Variants in PLXDC2 observed in about 807,000 individuals in gnomAD.
PLXDC2 encodes the protein plexin domain containing 2.
A neutral mutation model predicts 68.9 loss-of-function variants in PLXDC2; 40 were observed. The observed-to-expected ratio is 0.58, with a 90% CI of 0.45 to 0.76. The LOEUF is 0.76. Ranked by LOEUF, PLXDC2 falls within the 30% of genes least tolerant of loss-of-function variation. The pLI, the probability that PLXDC2 is intolerant of heterozygous loss-of-function variation, is 0.00. For synonymous variants in PLXDC2, 243 were observed against 234.2 expected (o/e 1.04, Z -0.34); for missense variants, 644 against 661.9 (o/e 0.97, Z 0.30).
chr10:20,012,008 G>T (rs1422798395), intron 2 of PLXDC2, among the ~76,000 whole-genome samples: 1 of 152,084 alleles, frequency 6.6e-6, no homozygotes, highest in African/African-American at 2.4e-5. Context: ...TTGTATGGTG[G>T]CAACCAGAAT....
intron 1 of PLXDC2, among the ~76,000 whole-genome samples, chr10:19,855,751 G>C (rs11596700): frequency 6.6e-6 from 1 of 151,854 alleles, no homozygotes; most frequent in East Asian, 1.9e-4. Context: ...TAATATAATG[G>C]GCATAGTTTA....
At chr10:20,188,981 A>G (rs998620349) in intron 9 of PLXDC2, among the ~76,000 whole-genome samples, 1 of 150,416 alleles carries the variant, frequency 6.6e-6, no homozygotes, top group Non-Finnish European at 1.5e-5. Context: ...CTTTGAATTT[A>G]TTTTAGTACA....
intron 1 of PLXDC2, among the ~76,000 whole-genome samples, chr10:19,948,901 T>C (rs1313496908): frequency 1.3e-5 from 2 of 151,938 alleles, no homozygotes; most frequent in African/African-American, 4.8e-5. Flanking sequence ...TCCCAGCACT[T>C]TGGGCAAATC....
At chr10:19,981,355 G>A (rs1231310357) in intron 1 of PLXDC2, among the ~76,000 whole-genome samples, 3 of 152,180 alleles carry the variant, frequency 2.0e-5, no homozygotes, top group African/African-American at 7.2e-5. Flanking sequence ...TACAGATGAA[G>A]AAACTGAGGC....
At position 20,123,923 on chromosome 10, in the gene PLXDC2, A is replaced by G. The variant is rs559554116; in HGVS notation, c.542-19372A>G. Reference sequence around the variant, plus strand: ...AAATAAGGGATCAGGGCACAGAGATATAAGGGGTTGGGGTAATTATCCCTC... The same window carrying G: ...AAATAAGGGATCAGGGCACAGAGATGTAAGGGGTTGGGGTAATTATCCCTC... On this transcript the variant is annotated intron_variant, in intron 4 of 13. Transcript: ENST00000377252. Among the ~76,000 whole-genome samples, 13 of 152,058 alleles carry G rather than the reference A, an allele frequency of 8.5e-5. No homozygotes were observed. The South Asian group carries it at 2.7e-3, about 32-fold the overall frequency.
intron 10 of PLXDC2, among the ~76,000 whole-genome samples, chr10:20,213,508 C>A (rs1032463402): frequency 1.3e-5 from 2 of 151,926 alleles, no homozygotes; most frequent in African/African-American, 4.8e-5. Flanking sequence ...TATTTTAGGG[C>A]TTTTGTCCTT....
intron 13 of PLXDC2, among the ~76,000 whole-genome samples, chr10:20,258,244 G>A (rs181151026): frequency 4.3e-4 from 66 of 151,890 alleles, no homozygotes; most frequent in African/African-American, 1.5e-3. Flanking sequence ...CCTGTGACCC[G>A]CCCGCCTCGG....
intron 12 of PLXDC2, among the ~76,000 whole-genome samples, chr10:20,239,371 G>A (rs1835483615): frequency 6.6e-6 from 1 of 152,146 alleles, no homozygotes; most frequent in South Asian, 2.1e-4. Context: ...CCCTGAGATT[G>A]AGTAATTTAT....
chr10:20,024,924 T>C (rs528921835), intron 2 of PLXDC2, among the ~76,000 whole-genome samples: 7 of 152,320 alleles, frequency 4.6e-5, no homozygotes, highest in African/African-American at 1.2e-4. Context: ...TTTTATAGTA[T>C]TCCATGGTGT....
chr10:20,052,241 G>A lies in PLXDC2; in HGVS notation c.471+5226G>A, dbSNP rs144171003. On this transcript the variant is annotated intron_variant, in intron 3 of 13. Transcript: ENST00000377252. ...TTCCCTACATTCTTCTTTCATAAAT[G>A]CAATTACTAAATATTAGCCTGAGCT... Among the ~76,000 whole-genome samples the A allele has an allele frequency of 8.6e-3, 1,315 of 152,030 alleles. 9 individuals are homozygous for A. Among genetic ancestry groups the A allele is most frequent in the Non-Finnish European group, 0.013 (903 of 67,978 alleles).
intron 1 of PLXDC2, among the ~76,000 whole-genome samples, chr10:19,948,887 G>C (rs1037497595): frequency 2.0e-5 from 3 of 152,016 alleles, no homozygotes; most frequent in Non-Finnish European, 4.4e-5. Flanking sequence ...GCTCACGTCT[G>C]TAATCCCAGC....
At chr10:20,277,555 C>A (rs1428089984) in intron 13 of PLXDC2, among the ~76,000 whole-genome samples, 1 of 152,176 alleles carries the variant, frequency 6.6e-6, no homozygotes, top group Non-Finnish European at 1.5e-5. Context: ...CATTTATTCA[C>A]AATCAAGTAA....
chr10:20,014,944 A>G (rs2131648111), intron 2 of PLXDC2, among the ~76,000 whole-genome samples: 1 of 152,322 alleles, frequency 6.6e-6, no homozygotes, highest in East Asian at 1.9e-4. Context: ...GTAAATGGTA[A>G]ATGGCTGTGG....
intron 1 of PLXDC2, among the ~76,000 whole-genome samples, chr10:19,975,139 A>G (rs576491804): frequency 2.1e-4 from 32 of 152,152 alleles, no homozygotes; most frequent in African/African-American, 7.5e-4. Context: ...CTGGTTTTTC[A>G]CCTTTAATAA....
chr10:20,189,193 AT>A (rs1834726320), intron 9 of PLXDC2, among the ~76,000 whole-genome samples: 1 of 75,386 alleles, frequency 1.3e-5, no homozygotes, highest in Non-Finnish European at 4.8e-5. Flanking sequence ...ATTAAATATA[AT>A]AATACAGTGA....
rs368287282 is a variant in PLXDC2, at chr10:19,905,231, G to A, written c.112+88040G>A. On this transcript the variant is annotated intron_variant, in intron 1 of 13. Coordinates refer to ENST00000377252, the MANE Select transcript of PLXDC2 (RefSeq NM_032812.9). ...TAATTGGTGTATGAATGGGTTCTTGGATGATTTTGGCATAGCCATAGCCAT... is the reference window on the plus strand; with the variant it reads ...TAATTGGTGTATGAATGGGTTCTTGAATGATTTTGGCATAGCCATAGCCAT... Among the ~76,000 whole-genome samples the A allele has an allele frequency of 1.3e-4, 20 of 152,306 alleles. 1 individual carries two copies. The highest frequency in any genetic ancestry group is 4.8e-4 in the African/African-American group (20 of 41,552).
At chr10:20,021,239 A>G (rs575323037) in intron 2 of PLXDC2, among the ~76,000 whole-genome samples, 2 of 152,092 alleles carry the variant, frequency 1.3e-5, no homozygotes, top group East Asian at 3.9e-4. Context: ...GCACATAGTT[A>G]CTTCCATTTT....
At chr10:19,926,257 T>C (rs936867389) in intron 1 of PLXDC2, among the ~76,000 whole-genome samples, 5 of 152,212 alleles carry the variant, frequency 3.3e-5, no homozygotes, top group African/African-American at 9.7e-5. Context: ...TAATGACTTT[T>C]ATTCATGCTT....
chr10:20,268,355 C>T (rs1347736756), intron 13 of PLXDC2, among the ~76,000 whole-genome samples: 1 of 152,082 alleles, frequency 6.6e-6, no homozygotes, highest in Non-Finnish European at 1.5e-5. Context: ...AGTTTGTTAT[C>T]TGCCTTTTAA....
Sources: gnomAD v4.1 joint callset for allele counts (sites outside exome capture counted in the v4.1 genomes callset) on GRCh38, gnomAD v4.1.1 for gene constraint, MANE v1.5 for transcripts, NCBI Gene and HGNC (gene_info 2026-07-23, HGNC 2026-07-21) for gene names.